The following CLOCK variants were observed in gnomAD, a reference collection of about 807,000 sequenced individuals.
CLOCK encodes circadian locomoter output cycles protein kaput.
Under a neutral mutation model 118.4 loss-of-function variants are expected in CLOCK, and 43 were observed. That is an observed-to-expected ratio of 0.36 (90% CI 0.28 to 0.47). The LOEUF is 0.47. Among genes scored for constraint, CLOCK ranks in the 20% least tolerant of loss-of-function variants. CLOCK has a pLI of 1.00. For missense variants in CLOCK, 846 were observed against 999.9 expected (o/e 0.85, Z 2.08); for synonymous variants, 326 against 339.2 (o/e 0.96, Z 0.43).
At chr4:55,536,109 A>C (rs1730877043) in intron 1 of CLOCK, among the ~76,000 whole-genome samples, 1 of 152,154 alleles carries the variant, frequency 6.6e-6, no homozygotes, top group South Asian at 2.1e-4. Context: ...TGAATTTTAA[A>C]ACCGTGCAGG....
chr4:55,503,872 T>C (rs561996104), intron 2 of CLOCK, among the ~76,000 whole-genome samples: 1 of 150,344 alleles, frequency 6.7e-6, no homozygotes, highest in African/African-American at 2.4e-5. Flanking sequence ...AACTAGAAAA[T>C]TGTAACACTG....
chr4:55,463,034 G>C (rs1296126064), intron 9 of CLOCK, among the ~76,000 whole-genome samples: 2 of 152,128 alleles, frequency 1.3e-5, no homozygotes, highest in Non-Finnish European at 2.9e-5. Context: ...AACAATTCTG[G>C]ATTTTATACA....
At chr4:55,442,248 C>A in intron 21 of CLOCK, 184 bp downstream of exon 21, 7 of 577,222 alleles carry the variant, frequency 1.2e-5, no homozygotes, top group Non-Finnish European at 1.5e-5. Flanking sequence ...TTGTTGTTAC[C>A]CTTTAATTAT....
intron 1 of CLOCK, among the ~76,000 whole-genome samples, chr4:55,530,387 T>C (rs564870621): frequency 5.3e-4 from 81 of 152,260 alleles, no homozygotes; most frequent in Middle Eastern, 3.4e-3. Flanking sequence ...AGCCAAACTA[T>C]CAAGCAATTA....
chr4:55,490,334 A>C (rs1041563616), intron 2 of CLOCK, among the ~76,000 whole-genome samples: 4 of 152,082 alleles, frequency 2.6e-5, no homozygotes, highest in African/African-American at 9.7e-5. Flanking sequence ...ATATATATAT[A>C]TATACACCCA....
chr4:55,478,573 G>T (rs1056914969), intron 6 of CLOCK, among the ~76,000 whole-genome samples: 5 of 152,130 alleles, frequency 3.3e-5, no homozygotes, highest in African/African-American at 1.2e-4. Flanking sequence ...ATGTTTGTCT[G>T]CCCTGGCTTG....
At chr4:55,450,334 A>C in intron 15 of CLOCK, 102 bp from the exon 16 acceptor site, 2 of 1,371,278 alleles carry the variant, frequency 1.5e-6, no homozygotes, top group South Asian at 1.2e-5. Flanking sequence ...TTTTGTCTAT[A>C]ACAAGGCAAA....
intron 11 of CLOCK, 92 bp downstream of exon 11, chr4:55,458,800 T>C (rs1246519208): frequency 6.0e-6 from 5 of 830,512 alleles, no homozygotes; most frequent in African/African-American, 1.7e-5. Flanking sequence ...TAATGACTCA[T>C]AGCCATTCCA....
intron 1 of CLOCK, among the ~76,000 whole-genome samples, chr4:55,542,046 G>GT (rs60821977): frequency 0.34 from 51,013 of 150,914 alleles, 9,298 homozygotes; most frequent in East Asian, 0.58. Flanking sequence ...GTGTTATAAT[G>GT]TCTATGCTTT....
In CLOCK at chr4:55,435,687, A is replaced by T. The variant is rs1022792076; in HGVS notation, c.2362-93T>A. The T allele has an allele frequency of 3.1e-6, 4 of 1,298,592 alleles. No individual in the cohort carries two copies. The Admixed American group carries it at 7.0e-5, about 23-fold the overall frequency. 80.4% of individuals were successfully genotyped at this position (1,298,592 alleles called of 1,614,324 possible). On this transcript the variant is annotated intron_variant, in intron 22 of 22. Coordinates refer to ENST00000513440, the MANE Select transcript of CLOCK (RefSeq NM_004898.4). ...CACTCTCCCCTGTCCATAGGGACAA[A>T]ATCCTTAAAATTCTACATAATGCAT...
At position 55,434,169 on chromosome 4, in the gene CLOCK, C is replaced by G. The variant is rs1722711034; in HGVS notation, c.*1246G>C. On this transcript the variant is annotated 3_prime_UTR_variant, in exon 23 of 23. Coordinates refer to ENST00000513440, the MANE Select transcript of CLOCK (RefSeq NM_004898.4). ...AACTGCTACGGAAACCGGACAATGA[C>G]TTCAAGATGGTGAGTTATCACCTGA... 1 of 152,596 alleles carries G rather than the reference C, an allele frequency of 6.6e-6. No homozygotes were observed. Among genetic ancestry groups the G allele is most frequent in the South Asian group, 2.1e-4 (1 of 4,824 alleles). 9.5% of individuals were successfully genotyped at this position (152,596 alleles called of 1,614,324 possible). A position where few individuals can be genotyped will look rare whatever the true frequency, so the allele number is the denominator to read the frequency against.
rs1426221085 is a variant in CLOCK at position 55,430,001 on chromosome 4, A to C, written c.*5414T>G. 3 of 152,236 alleles carry C rather than the reference A, an allele frequency of 2.0e-5. No homozygotes were observed. The highest frequency in any genetic ancestry group is 4.4e-5 in the Non-Finnish European group (3 of 68,028). 9.4% of individuals were successfully genotyped at this position (152,236 alleles called of 1,614,324 possible). A position where few individuals can be genotyped will look rare whatever the true frequency, so the allele number is the denominator to read the frequency against. On this transcript the variant is annotated 3_prime_UTR_variant, in exon 23 of 23. Coordinates refer to ENST00000513440, the MANE Select transcript of CLOCK (RefSeq NM_004898.4). ...AGAAGAATATGGTGCAAAACAAAAC[A>C]AACCACACATTAAATACATGACACC...
At chr4:55,493,705 C>T (rs774993884) in intron 2 of CLOCK, among the ~76,000 whole-genome samples, 1 of 152,292 alleles carries the variant, frequency 6.6e-6, no homozygotes, top group East Asian at 1.9e-4. Context: ...ACCTCTACAA[C>T]CGATATAAGA....
chr4:55,459,008 A>T lies in CLOCK; in HGVS notation c.676T>A (p.Ser226Thr). The T allele has an allele frequency of 6.2e-7, 1 of 1,606,562 alleles. No individual in the cohort carries two copies. Among genetic ancestry groups the T allele is most frequent in the Non-Finnish European group, 8.5e-7 (1 of 1,173,212 alleles). The stretch of plus-strand genomic sequence containing the variant: ...TCAAAACCATTGTGTGCTGAAGAGG[A>T]TACTAAAACAATAGGGAAATATGTA... Reference protein sequence around the residue: ...IGNFKSLNSVSSSAHNGFEGT... With the variant: ...IGNFKSLNSVTSSAHNGFEGT... Residue 226 changes from serine to threonine, a missense_variant and splice_region_variant, in exon 11 of 23, where the codon TCC becomes ACC. By Grantham distance (58) the Ser-to-Thr change is moderately conservative (BLOSUM62 1). Around this residue, in one of 4 missense-constraint regions of CLOCK, gnomAD observed 246 missense variants for 300.2 expected, o/e 0.82. Transcript: ENST00000513440.
At chr4:55,454,509 C>T (rs936916923) in intron 13 of CLOCK, among the ~76,000 whole-genome samples, 6 of 147,582 alleles carry the variant, frequency 4.1e-5, no homozygotes, top group South Asian at 4.3e-4. Flanking sequence ...CAGCTACTCA[C>T]GAGGCTGAGG....
intron 2 of CLOCK, among the ~76,000 whole-genome samples, chr4:55,497,650 G>A (rs934703746): frequency 6.6e-6 from 1 of 152,126 alleles, no homozygotes; most frequent in Non-Finnish European, 1.5e-5. Flanking sequence ...TTCTTAAAGG[G>A]AATTGGAAAA....
intron 8 of CLOCK, among the ~76,000 whole-genome samples, chr4:55,469,186 C>T (rs1412256239): frequency 6.6e-6 from 1 of 151,072 alleles, no homozygotes; most frequent in South Asian, 2.1e-4. Context: ...AGTGCAATGG[C>T]TCGATCTCGG....
intron 20 of CLOCK, 60 bp downstream of exon 20, chr4:55,443,627 G>A: frequency 7.9e-7 from 1 of 1,268,894 alleles, no homozygotes; most frequent in Non-Finnish European, 1.2e-6. Flanking sequence ...TTCTGCTTCA[G>A]CAATAGTGTG....
chr4:55,521,226 T>G (rs1729826925), intron 1 of CLOCK, among the ~76,000 whole-genome samples: 2 of 152,120 alleles, frequency 1.3e-5, no homozygotes, highest in South Asian at 4.1e-4. Flanking sequence ...CTATTTTTTT[T>G]GTGTTTTTTT....
Sources: gnomAD v4.1 joint callset for allele counts (sites outside exome capture counted in the v4.1 genomes callset) on GRCh38, gnomAD v4.1.1 for gene constraint, gnomAD v4.1.1 regional missense constraint, MANE v1.5 for transcripts, NCBI Gene and HGNC (gene_info 2026-07-23, HGNC 2026-07-21) for gene names.